ULK4: variants seen among roughly 807,000 people sequenced by gnomAD.
ULK4 encodes the protein unc-51 like kinase 4, also known as inactive serine/threonine-protein kinase ULK4.
In ULK4, 133 loss-of-function variants were observed where a neutral mutation model predicts 160.6. That is an observed-to-expected ratio of 0.83 (90% confidence interval 0.72 to 0.96). The LOEUF (loss-of-function observed/expected upper bound fraction) is 0.96, where lower values mean the gene tolerates loss of function less well. ULK4 is among the 40% of genes least tolerant of loss of function. The pLI is 0.00. For missense variants in ULK4, 1,580 were observed against 1,499.5 expected (o/e 1.05, Z -0.89); for synonymous variants, 534 against 539.8 (o/e 0.99, Z 0.15).
chr3:41,489,655 A>G (rs1406962800), intron 32 of ULK4, among the ~76,000 whole-genome samples: 2 of 152,004 alleles, frequency 1.3e-5, no homozygotes, highest in African/African-American at 4.8e-5. Flanking sequence ...TTTCCTGTAT[A>G]GGAAATGTAG....
At chr3:41,458,211 T>C (rs1227264500) in intron 33 of ULK4, among the ~76,000 whole-genome samples, 1 of 152,152 alleles carries the variant, frequency 6.6e-6, no homozygotes, top group African/African-American at 2.4e-5. Flanking sequence ...GGTAGAAACA[T>C]ACATTTAGTA....
At chr3:41,253,213 G>A (rs1200858579) in intron 35 of ULK4, among the ~76,000 whole-genome samples, 1 of 152,018 alleles carries the variant, frequency 6.6e-6, no homozygotes, top group Non-Finnish European at 1.5e-5. Flanking sequence ...GGAACATCAG[G>A]AATGAAGGAA....
intron 32 of ULK4, among the ~76,000 whole-genome samples, chr3:41,548,841 C>T (rs1310516303): frequency 6.6e-6 from 1 of 152,174 alleles, no homozygotes; most frequent in Non-Finnish European, 1.5e-5. Context: ...GAGGAACAGC[C>T]TGGGTGGCAT....
At chr3:41,685,218 G>T (rs1337152737) in intron 27 of ULK4, among the ~76,000 whole-genome samples, 1 of 152,146 alleles carries the variant, frequency 6.6e-6, no homozygotes, top group Non-Finnish European at 1.5e-5. Flanking sequence ...GCCCTAAAAG[G>T]TTAGGCAAGG....
intron 2 of ULK4, among the ~76,000 whole-genome samples, chr3:41,954,352 A>C (rs1346748723): frequency 3.1e-5 from 1 of 32,752 alleles, no homozygotes; most frequent in African/African-American, 5.3e-5. Flanking sequence ...CCTGTTTCTA[A>C]GGGAAAGAAA....
At chr3:41,345,320 C>T (rs2125755177) in intron 35 of ULK4, among the ~76,000 whole-genome samples, 1 of 152,276 alleles carries the variant, frequency 6.6e-6, no homozygotes, top group East Asian at 1.9e-4. Flanking sequence ...AAGATACATG[C>T]ATGTGTATGT....
intron 6 of ULK4, among the ~76,000 whole-genome samples, chr3:41,919,111 A>C (rs1273487036): frequency 6.6e-6 from 1 of 152,174 alleles, no homozygotes; most frequent in African/African-American, 2.4e-5. Flanking sequence ...TGGGCCATTC[A>C]AATCATCTGA....
At chr3:41,296,431 C>T (rs992031926) in intron 35 of ULK4, among the ~76,000 whole-genome samples, 7 of 152,168 alleles carry the variant, frequency 4.6e-5, no homozygotes, top group Admixed American at 1.3e-4. Flanking sequence ...CAGCCTGGTG[C>T]GTGCTCGAGG....
intron 5 of ULK4, among the ~76,000 whole-genome samples, chr3:41,930,849 G>A (rs925505685): frequency 1.3e-5 from 2 of 152,150 alleles, no homozygotes; most frequent in African/African-American, 4.8e-5. Context: ...AAAAATGCTG[G>A]CAAGGCTGTG....
intron 11 of ULK4, among the ~76,000 whole-genome samples, chr3:41,910,422 T>A (rs1156885906): frequency 6.6e-6 from 1 of 151,882 alleles, no homozygotes; most frequent in Non-Finnish European, 1.5e-5. Context: ...GGCAAAATCC[T>A]GTCTCTACTA....
intron 35 of ULK4, among the ~76,000 whole-genome samples, chr3:41,306,832 G>T (rs1433017674): frequency 1.3e-5 from 2 of 151,750 alleles, no homozygotes; most frequent in Non-Finnish European, 2.9e-5. Context: ...GGATCCTGTT[G>T]ATCTGTGACC....
At chr3:41,384,680 G>A (rs1485380065) in intron 35 of ULK4, among the ~76,000 whole-genome samples, 1 of 152,078 alleles carries the variant, frequency 6.6e-6, no homozygotes, top group Non-Finnish European at 1.5e-5. Flanking sequence ...TGCCTCCCAG[G>A]TACAAGCGAT....
intron 27 of ULK4, among the ~76,000 whole-genome samples, chr3:41,690,278 C>A (rs1197745610): frequency 6.6e-6 from 1 of 151,274 alleles, no homozygotes; most frequent in African/African-American, 2.4e-5. Flanking sequence ...ACATCACACT[C>A]CGGGGACTGT....
intron 34 of ULK4, among the ~76,000 whole-genome samples, chr3:41,433,674 A>T (rs1443013256): frequency 6.6e-6 from 1 of 152,212 alleles, no homozygotes; most frequent in Non-Finnish European, 1.5e-5. Context: ...AGTTATACAG[A>T]TTGAGCATCT....
chr3:41,907,040 A>G (rs1370735920), intron 12 of ULK4, among the ~76,000 whole-genome samples: 1 of 152,220 alleles, frequency 6.6e-6, no homozygotes, highest in East Asian at 1.9e-4. Context: ...GGAAAAAGCT[A>G]GTAACGAAAG....
intron 17 of ULK4, among the ~76,000 whole-genome samples, chr3:41,836,801 T>C (rs958623361): frequency 6.6e-6 from 1 of 152,202 alleles, no homozygotes; most frequent in Admixed American, 6.5e-5. Context: ...ATCTAGTTAA[T>C]GTCCTAGGAG....
At chr3:41,485,418 T>C (rs183495727) in intron 32 of ULK4, among the ~76,000 whole-genome samples, 1 of 152,136 alleles carries the variant, frequency 6.6e-6, no homozygotes, top group South Asian at 2.1e-4. Flanking sequence ...TACAGAAATA[T>C]AGAAGGCTAA....
At chr3:41,368,359 T>A (rs1369409089) in intron 35 of ULK4, among the ~76,000 whole-genome samples, 1 of 152,198 alleles carries the variant, frequency 6.6e-6, no homozygotes, top group Admixed American at 6.5e-5. Context: ...TGTGTTGTGA[T>A]TTTTTAAAAT....
chr3:41,535,392 T>C (rs1310684649), intron 32 of ULK4, among the ~76,000 whole-genome samples: 2 of 152,220 alleles, frequency 1.3e-5, no homozygotes, highest in Non-Finnish European at 2.9e-5. Context: ...GAAAGTCAGT[T>C]TGACAGTGGC....
Sources: gnomAD v4.1 joint callset for allele counts (sites outside exome capture counted in the v4.1 genomes callset) on GRCh38, gnomAD v4.1.1 for gene constraint, MANE v1.5 for transcripts, NCBI Gene and HGNC (gene_info 2026-07-23, HGNC 2026-07-21) for gene names.